PCDHGA1: variants seen among roughly 807,000 people sequenced by gnomAD.
The protein encoded by PCDHGA1 is protocadherin gamma-A1.
In PCDHGA1, 32 loss-of-function variants were observed where a neutral mutation model predicts 58.0. The ratio of observed to expected loss-of-function variants is 0.55; its 90% CI spans 0.42 to 0.74. The LOEUF is 0.74. Ranked by LOEUF, PCDHGA1 falls within the 30% of genes least tolerant of loss-of-function variation. The pLI is 0.00. For synonymous variants in PCDHGA1, 498 were observed against 501.1 expected (o/e 0.99, Z 0.08); for missense variants, 1,205 against 1,182.3 (o/e 1.02, Z -0.28).
intron 1 of PCDHGA1, among the ~76,000 whole-genome samples, chr5:141,380,346 GTTGT>G (rs1424822944): frequency 2.0e-5 from 3 of 152,066 alleles, no homozygotes; most frequent in Non-Finnish European, 2.9e-5. Context: ...GAACTGTTTT[GTTGT>G]TTGTTTTTTA....
chr5:141,370,496 C>T, intron 1 of PCDHGA1: 1 of 1,613,970 alleles, frequency 6.2e-7, no homozygotes, highest in Non-Finnish European at 8.5e-7. Flanking sequence ...AACCGATCCG[C>T]TACGCTATTC....
chr5:141,410,462 CTG>C (rs1258642453), intron 1 of PCDHGA1: 1 of 1,613,924 alleles, frequency 6.2e-7, no homozygotes, highest in East Asian at 2.2e-5. Context: ...TTCTTATAAT[CTG>C]TGCATTGCAC....
Position 141,331,643 on chromosome 5 carries a change from A to T in PCDHGA1, c.959A>T (p.Gln320Leu), listed in dbSNP as rs774676713. 14 of 1,614,146 alleles carry T rather than the reference A, an allele frequency of 8.7e-6. No homozygotes were observed. Among genetic ancestry groups the T allele is most frequent in the Non-Finnish European group, 1.2e-5 (14 of 1,180,022 alleles). ...EEYKMYSMEVQAQDGAGLMAK... is the reference protein window; with the variant it reads ...EEYKMYSMEVLAQDGAGLMAK... ...TACAAAATGTATTCAATGGAAGTTC[A>T]AGCCCAGGATGGTGCGGGGCTCATG... The change falls in exon 1 of 4, where the codon CAA becomes CTA. Residue 320 changes from glutamine to leucine, a missense_variant. Coordinates refer to ENST00000517417, the MANE Select transcript of PCDHGA1 (RefSeq NM_018912.3).
At chr5:141,366,285 C>A in intron 1 of PCDHGA1, 1 of 1,613,710 alleles carries the variant, frequency 6.2e-7, no homozygotes, top group East Asian at 2.2e-5. Flanking sequence ...CATGGCCAGC[C>A]CCCTCTGTCA....
At position 141,345,243 on chromosome 5, in the gene PCDHGA1, T is replaced by C. The variant is rs772665253; in HGVS notation, c.2421+12138T>C. On this transcript the variant is annotated intron_variant, in intron 1 of 3. Coordinates refer to ENST00000517417, the MANE Select transcript of PCDHGA1 (RefSeq NM_018912.3). ...AAAATCAATAGATCAATATTACCGC[T>C]TAGTGACGGCCACATCCCTGGACCG... 4 of 1,613,838 alleles carry C rather than the reference T, an allele frequency of 2.5e-6. No homozygotes were observed. In the Admixed American group the frequency reaches 6.7e-5, roughly 27 times the overall value.
chr5:141,390,538 C>CA, intron 1 of PCDHGA1: 3 of 518,310 alleles, frequency 5.8e-6, no homozygotes, highest in Non-Finnish European at 1.0e-5. Flanking sequence ...GTTTTAACCA[C>CA]AAAGTGAAAG....
Position 141,477,691 on chromosome 5 carries a change from A to G in PCDHGA1, c.2422-17116A>G, listed in dbSNP as rs1315811441. 6.2e-7 allele frequency: 1 copy of G among 1,614,188 alleles called. No homozygotes were observed. Among genetic ancestry groups the G allele is most frequent in the South Asian group, 1.1e-5 (1 of 91,090 alleles). On this transcript the variant is annotated intron_variant, in intron 1 of 3. Coordinates refer to ENST00000517417, the MANE Select transcript of PCDHGA1 (RefSeq NM_018912.3). This position sits in a 1 kb window ranked among gnomAD's most constrained non-coding sequence, Gnocchi z 4.9. ...GCATAGTGTCATCCTTAGTGCCCCT[A>G]GACTATGAGGATCGGCGGGAATTTG...
At chr5:141,392,994 A>T in intron 1 of PCDHGA1, 1 of 1,613,910 alleles carries the variant, frequency 6.2e-7, no homozygotes, top group Non-Finnish European at 8.5e-7. Context: ...GAAGCTGGCG[A>T]AGCACGGAGT....
intron 1 of PCDHGA1, chr5:141,419,649 A>C: frequency 6.2e-7 from 1 of 1,612,422 alleles, no homozygotes; most frequent in Non-Finnish European, 8.5e-7. Context: ...GTGGACGCGG[A>C]CTCGGGGCAC....
intron 3 of PCDHGA1, among the ~76,000 whole-genome samples, chr5:141,507,805 G>C (rs2099863746): frequency 6.6e-6 from 1 of 152,204 alleles, no homozygotes; most frequent in Non-Finnish European, 1.5e-5. Flanking sequence ...TGCGCCCTGG[G>C]GAACGGACCC....
At chr5:141,414,336 C>T (rs567878158) in intron 1 of PCDHGA1, 3 of 1,613,846 alleles carry the variant, frequency 1.9e-6, no homozygotes, top group East Asian at 2.2e-5. Flanking sequence ...GACAGGTAAC[C>T]TGTTCCATTT....
At chr5:141,420,713 G>T (rs1406572601) in intron 1 of PCDHGA1, among the ~76,000 whole-genome samples, 1 of 152,078 alleles carries the variant, frequency 6.6e-6, no homozygotes, top group African/African-American at 2.4e-5. Flanking sequence ...CAGAAATGTC[G>T]TTCCTTTCAG....
At chr5:141,417,673 C>G in intron 1 of PCDHGA1, 3 of 970,368 alleles carry the variant, frequency 3.1e-6, no homozygotes, top group Non-Finnish European at 2.9e-6. Context: ...CCTGCGCAGC[C>G]AACAACAGAA....
chr5:141,394,312 C>G (rs903124736), intron 1 of PCDHGA1: 3 of 1,613,908 alleles, frequency 1.9e-6, no homozygotes, highest in African/African-American at 1.3e-5. Context: ...CAGGGGGCGC[C>G]CCTGTCCTCG....
chr5:141,439,667 C>T (rs149776177), intron 1 of PCDHGA1, among the ~76,000 whole-genome samples: 2,012 of 152,292 alleles, frequency 0.013, 16 homozygotes, highest in Middle Eastern at 0.034. Context: ...TCATGGAATG[C>T]AAATCCAAGA....
intron 1 of PCDHGA1, chr5:141,410,735 T>C: frequency 7.5e-7 from 1 of 1,336,188 alleles, no homozygotes; most frequent in Non-Finnish European, 1.0e-6. Context: ...CATAGCTTTT[T>C]ACAATATTTT....
chr5:141,430,234 A>G (rs2097268213), intron 1 of PCDHGA1, among the ~76,000 whole-genome samples: 1 of 130,034 alleles, frequency 7.7e-6, no homozygotes, highest in South Asian at 2.4e-4. Flanking sequence ...TGTCAAAAAG[A>G]GAAACTCCTA....
Position 141,432,951 on chromosome 5 carries a change from G to T in PCDHGA1, c.2422-61856G>T, listed in dbSNP as rs758046420. 1.2e-6 allele frequency: 2 copies of T among 1,614,178 alleles called. No individual in the cohort carries two copies. The highest frequency in any genetic ancestry group is 4.5e-5 in the East Asian group (2 of 44,858). On this transcript the variant is annotated intron_variant, in intron 1 of 3. Coordinates refer to ENST00000517417, the MANE Select transcript of PCDHGA1 (RefSeq NM_018912.3). This position sits in a 1 kb window ranked among gnomAD's most constrained non-coding sequence, Gnocchi z 6.0. ...CGCCTGCTGCAGGCTTCAGGAGGCGGCTTGACAGGAGCGCCGGCGTCGCAC... is the reference window on the plus strand; with the variant it reads ...CGCCTGCTGCAGGCTTCAGGAGGCGTCTTGACAGGAGCGCCGGCGTCGCAC...
rs1181350593 is a variant in PCDHGA1, at chr5:141,331,661, G to A, written c.977G>A (p.Gly326Glu). ...SMEVQAQDGAGLMAKVKVLIK... is the reference protein window; with the variant it reads ...SMEVQAQDGAELMAKVKVLIK... Reference sequence around the variant, plus strand: ...GAAGTTCAAGCCCAGGATGGTGCGGGGCTCATGGCTAAAGTTAAGGTACTG... The same window carrying A: ...GAAGTTCAAGCCCAGGATGGTGCGGAGCTCATGGCTAAAGTTAAGGTACTG... The change falls in exon 1 of 4, where the codon GGG (glycine) becomes GAG (glutamate). Residue 326 changes from glycine (G) to glutamate (E), a missense_variant. By Grantham distance (98) the Gly-to-Glu change is moderately conservative. Coordinates refer to ENST00000517417, the MANE Select transcript of PCDHGA1 (RefSeq NM_018912.3). 6.2e-7 allele frequency: 1 copy of A among 1,613,730 alleles called. No individual in the cohort carries two copies. The highest frequency in any genetic ancestry group is 1.7e-5 in the Admixed American group (1 of 60,000).
Sources: gnomAD v4.1 joint callset for allele counts (sites outside exome capture counted in the v4.1 genomes callset) on GRCh38, gnomAD v4.1.1 for gene constraint, Gnocchi (gnomAD v3.1) non-coding constraint, MANE v1.5 for transcripts, NCBI Gene and HGNC (gene_info 2026-07-23, HGNC 2026-07-21) for gene names.